NCK2: variants seen among roughly 807,000 people sequenced by gnomAD.
NCK2 encodes NCK adaptor protein 2.
In NCK2, 16 loss-of-function variants were observed where a neutral mutation model predicts 33.9. The observed-to-expected ratio is 0.47, with a 90% CI of 0.32 to 0.72. The LOEUF (loss-of-function observed/expected upper bound fraction) is 0.72. NCK2 is among the 30% of genes least tolerant of loss of function. NCK2 has a pLI of 0.03. For synonymous variants in NCK2, 273 were observed against 239.9 expected, an observed-to-expected ratio of 1.14 and a Z score of -1.27; for missense variants, 418 against 537.3, an observed-to-expected ratio of 0.78 and a Z score of 2.19.
intron 4 of NCK2, among the ~76,000 whole-genome samples, chr2:105,892,754 G>C (rs1679038971): frequency 6.6e-6 from 1 of 151,724 alleles, no homozygotes; most frequent in Non-Finnish European, 1.5e-5. Flanking sequence ...GCCGAGACAG[G>C]AGAATCGCTT....
intron 3 of NCK2, among the ~76,000 whole-genome samples, chr2:105,875,074 G>A (rs1275795553): frequency 6.6e-6 from 1 of 152,184 alleles, no homozygotes; most frequent in Non-Finnish European, 1.5e-5. Context: ...TAAAGTCATG[G>A]CACAGTTGGT....
upstream of NCK2, chr2:105,744,807 G>T: frequency 6.7e-6 from 1 of 150,282 alleles, no homozygotes; most frequent in South Asian, 1.8e-4. Context: ...GGCCGGGGAG[G>T]AGCGCGGGAG....
intron 3 of NCK2, among the ~76,000 whole-genome samples, chr2:105,859,755 A>G (rs1344979491): frequency 4.6e-5 from 7 of 152,344 alleles, no homozygotes; most frequent in Admixed American, 3.3e-4. Context: ...CGTAAGATCC[A>G]AAAGCAGTGA....
At chr2:105,884,736 C>T (rs184798562) in intron 4 of NCK2, among the ~76,000 whole-genome samples, 1 of 152,306 alleles carries the variant, frequency 6.6e-6, no homozygotes, top group East Asian at 1.9e-4. Flanking sequence ...AACAAACGAA[C>T]GAACCTCTTG....
At chr2:105,791,966 A>G (rs1410803592) in intron 1 of NCK2, among the ~76,000 whole-genome samples, 1 of 152,236 alleles carries the variant, frequency 6.6e-6, no homozygotes, top group East Asian at 1.9e-4. Flanking sequence ...GCATAATCAG[A>G]AACAAAAAGA....
intron 3 of NCK2, chr2:105,857,140 T>A (rs1466789008): frequency 6.6e-6 from 1 of 151,900 alleles, no homozygotes; most frequent in Non-Finnish European, 1.5e-5. Context: ...GACCTGGAAA[T>A]TCCCTTGAAA....
intron 1 of NCK2, among the ~76,000 whole-genome samples, chr2:105,791,754 A>G (rs1690891724): frequency 6.6e-6 from 1 of 152,120 alleles, no homozygotes; most frequent in Non-Finnish European, 1.5e-5. Context: ...TTTTGTCTAT[A>G]ATTTGATCCA....
chr2:105,813,323 C>T (rs1421104731), intron 1 of NCK2, among the ~76,000 whole-genome samples: 1 of 152,216 alleles, frequency 6.6e-6, no homozygotes, highest in Non-Finnish European at 1.5e-5. Flanking sequence ...TGACTTTAGT[C>T]TCTTGGTGAC....
At chr2:105,827,499 A>G (rs1675999469) in intron 2 of NCK2, among the ~76,000 whole-genome samples, 1 of 152,202 alleles carries the variant, frequency 6.6e-6, no homozygotes, top group African/African-American at 2.4e-5. Context: ...ACCACCATCA[A>G]TTAATATTAT....
chr2:105,835,405 ACGTG>A lies in NCK2; in HGVS notation c.-17+18793_-17+18796del, dbSNP rs373181639. ...TATATACACATATATATATATATAT[ACGTG>A]TATATATATATATATTTTTTTTTTG... On this transcript the variant is annotated intron_variant, in intron 2 of 4. Coordinates refer to ENST00000233154, the MANE Select transcript of NCK2 (RefSeq NM_003581.5). 8.3e-3 allele frequency among the ~76,000 whole-genome samples: 308 copies of A among 37,218 alleles called. 3 individuals are homozygous for A. Among genetic ancestry groups the A allele is most frequent in the South Asian group, 0.02 (14 of 716 alleles). The allele number at this position is 37,218 out of a possible 152,430, so 24.4% of individuals were successfully genotyped here. A position where few individuals can be genotyped will look rare whatever the true frequency, so the allele number is the denominator to read the frequency against.
chr2:105,783,746 C>G (rs1690577389), intron 1 of NCK2, among the ~76,000 whole-genome samples: 1 of 152,016 alleles, frequency 6.6e-6, no homozygotes, highest in Non-Finnish European at 1.5e-5. Flanking sequence ...TGATGACCTC[C>G]ACTCTTTCCA....
chr2:105,855,384 C>A (rs908542583), intron 3 of NCK2, 95 bp downstream of exon 3: 10 of 851,012 alleles, frequency 1.2e-5, no homozygotes, highest in Middle Eastern at 2.8e-4. Flanking sequence ...AAAAAAAAGT[C>A]TGTTTTAAAA....
At chr2:105,812,026 G>C (rs1425203308) in intron 1 of NCK2, among the ~76,000 whole-genome samples, 1 of 152,154 alleles carries the variant, frequency 6.6e-6, no homozygotes, top group Non-Finnish European at 1.5e-5. Flanking sequence ...TTAGAAATTA[G>C]TTCTGTTTTT....
chr2:105,878,113 C>T (rs1447340699), intron 3 of NCK2, among the ~76,000 whole-genome samples: 1 of 152,160 alleles, frequency 6.6e-6, no homozygotes, highest in African/African-American at 2.4e-5. Context: ...AGGATCATGG[C>T]CAAGTGTTTT....
At chr2:105,763,286 A>G (rs1471767291) in intron 1 of NCK2, among the ~76,000 whole-genome samples, 3 of 152,194 alleles carry the variant, frequency 2.0e-5, no homozygotes, top group Non-Finnish European at 4.4e-5. Context: ...GCCAGGGACC[A>G]GGTGTCACTG....
chr2:105,825,627 G>A (rs999387587), intron 2 of NCK2, among the ~76,000 whole-genome samples: 16 of 152,208 alleles, frequency 1.1e-4, no homozygotes, highest in African/African-American at 3.9e-4. Flanking sequence ...CAATGTCCAT[G>A]TTATCACATA....
chr2:105,799,824 G>A (rs146889586), intron 1 of NCK2, among the ~76,000 whole-genome samples: 160 of 152,172 alleles, frequency 1.1e-3, no homozygotes, highest in Middle Eastern at 0.01. Flanking sequence ...CTTCCCCTCC[G>A]CCATCTTGCC....
chr2:105,802,595 G>A (rs1674882545), intron 1 of NCK2, among the ~76,000 whole-genome samples: 1 of 152,150 alleles, frequency 6.6e-6, no homozygotes, highest in Admixed American at 6.5e-5. Flanking sequence ...GGAGGGATGT[G>A]CCAGGCTCTT....
chr2:105,769,509 T>C (rs1262093976), intron 1 of NCK2, among the ~76,000 whole-genome samples: 2 of 152,150 alleles, frequency 1.3e-5, no homozygotes, highest in African/African-American at 4.8e-5. Context: ...AGCACAAAAA[T>C]TGTGACTCTA....
Sources: gnomAD v4.1 joint callset for allele counts (sites outside exome capture counted in the v4.1 genomes callset) on GRCh38, gnomAD v4.1.1 for gene constraint, MANE v1.5 for transcripts, NCBI Gene and HGNC (gene_info 2026-07-23, HGNC 2026-07-21) for gene names.